Variants in TIAM1 observed in about 807,000 individuals in gnomAD.
The protein encoded by TIAM1 is rho guanine nucleotide exchange factor TIAM1.
TIAM1 carries 65 observed loss-of-function variants against 163.5 expected under a neutral mutation model. The observed-to-expected ratio is 0.40, with a 90% CI of 0.33 to 0.49. The LOEUF (loss-of-function observed/expected upper bound fraction) is 0.49, where lower values mean the gene tolerates loss of function less well. TIAM1 is among the 20% of genes least tolerant of loss of function. TIAM1 has a pLI of 0.77. For synonymous variants in TIAM1, 833 were observed against 810.1 expected (o/e 1.03, Z -0.48); for missense variants, 1,789 against 2,044.7 (o/e 0.87, Z 2.41).
intron 1 of TIAM1, among the ~76,000 whole-genome samples, chr21:31,343,123 G>A (rs2076068495): frequency 6.6e-6 from 1 of 152,162 alleles, no homozygotes; most frequent in Non-Finnish European, 1.5e-5. Flanking sequence ...ACATTCTCAT[G>A]AAGGATTCGC....
intron 2 of TIAM1, among the ~76,000 whole-genome samples, chr21:31,298,638 T>A (rs1003296427): frequency 6.6e-6 from 1 of 151,960 alleles, no homozygotes; most frequent in Non-Finnish European, 1.5e-5. Flanking sequence ...CCACACATAA[T>A]AGACCATGAA....
In TIAM1 at chr21:31,126,174, T is replaced by C. The variant is rs949165656; in HGVS notation, c.4133+891A>G. 3.9e-5 allele frequency among the ~76,000 whole-genome samples: 6 copies of C among 152,196 alleles called. No individual in the cohort carries two copies. In the East Asian group the frequency reaches 7.7e-4, roughly 20 times the overall value. On this transcript the variant is annotated intron_variant, in intron 26 of 27. Transcript: ENST00000541036. ...CATTATAAAATATTGCTAATAATCA[T>C]AATATTGATTCTATTGTCTTTTGTA...
intron 16 of TIAM1, chr21:31,160,459 G>A (rs559867904): frequency 7.5e-6 from 3 of 398,502 alleles, no homozygotes; most frequent in Non-Finnish European, 1.3e-5. Context: ...TGAAGTGTTC[G>A]ATACATAGAG....
At chr21:31,332,534 A>G (rs1009524308) in intron 2 of TIAM1, among the ~76,000 whole-genome samples, 2 of 152,150 alleles carry the variant, frequency 1.3e-5, no homozygotes, top group Non-Finnish European at 2.9e-5. Flanking sequence ...GCAAATAATG[A>G]TAATCATTTT....
chr21:31,499,997 T>C (rs12482093), intron 1 of TIAM1, among the ~76,000 whole-genome samples: 7,367 of 151,706 alleles, frequency 0.049, 444 homozygotes, highest in African/African-American at 0.14. Context: ...TGAAACCCTG[T>C]CTCCACTAAA....
chr21:31,483,548 A>G (rs1444541300), intron 1 of TIAM1, among the ~76,000 whole-genome samples: 1 of 152,102 alleles, frequency 6.6e-6, no homozygotes, highest in Non-Finnish European at 1.5e-5. Context: ...AGTCTCTTCC[A>G]TTCATTTTGG....
At chr21:31,446,783 G>C (rs117965256) in intron 2 of TIAM1, among the ~76,000 whole-genome samples, 1 of 152,144 alleles carries the variant, frequency 6.6e-6, no homozygotes, top group Non-Finnish European at 1.5e-5. Context: ...AAATGTTATC[G>C]ATGTGCTGCA....
chr21:31,307,168 C>A (rs2074745830), intron 2 of TIAM1, among the ~76,000 whole-genome samples: 2 of 152,166 alleles, frequency 1.3e-5, no homozygotes, highest in Non-Finnish European at 2.9e-5. Context: ...ATCACTTATT[C>A]TACTAATGTG....
intron 2 of TIAM1, among the ~76,000 whole-genome samples, chr21:31,320,114 A>G (rs2075263407): frequency 6.6e-6 from 1 of 152,228 alleles, no homozygotes; most frequent in Non-Finnish European, 1.5e-5. Flanking sequence ...GTATATAAAC[A>G]TATATATAAA....
chr21:31,337,857 C>G (rs1247041031), intron 2 of TIAM1, among the ~76,000 whole-genome samples: 1 of 151,892 alleles, frequency 6.6e-6, no homozygotes, highest in Non-Finnish European at 1.5e-5. Context: ...TTATTTTTAC[C>G]CCTTGAAAAA....
upstream of TIAM1, among the ~76,000 whole-genome samples, chr21:31,346,265 A>G (rs2076146271): frequency 6.6e-6 from 1 of 152,176 alleles, no homozygotes; most frequent in Non-Finnish European, 1.5e-5. Flanking sequence ...TATTCCATCT[A>G]TTCCATATAG....
intron 1 of TIAM1, among the ~76,000 whole-genome samples, chr21:31,522,335 C>T (rs914313084): frequency 6.6e-5 from 10 of 151,084 alleles, no homozygotes; most frequent in African/African-American, 2.4e-4. Context: ...AGAGAAACCC[C>T]GACTCTACTA....
chr21:31,129,630 T>A (rs556637130), intron 25 of TIAM1, among the ~76,000 whole-genome samples: 1 of 152,336 alleles, frequency 6.6e-6, no homozygotes, highest in East Asian at 1.9e-4. Flanking sequence ...ATAGCACCAC[T>A]GCTCTCCAGC....
At chr21:31,431,724 G>T (rs560104260) in intron 2 of TIAM1, among the ~76,000 whole-genome samples, 178 of 152,294 alleles carry the variant, frequency 1.2e-3, no homozygotes, top group African/African-American at 4.1e-3. Flanking sequence ...CCTTTTGCTT[G>T]TAGGCCAAAG....
chr21:31,455,918 T>G (rs1342180971), intron 2 of TIAM1, among the ~76,000 whole-genome samples: 1 of 152,188 alleles, frequency 6.6e-6, no homozygotes, highest in East Asian at 1.9e-4. Flanking sequence ...CTAGATCCTT[T>G]TGCTTACAAA....
rs532055539 is a variant in TIAM1 at position 31,212,153 on chromosome 21, G to C, written c.2217+1245C>G. Among the ~76,000 whole-genome samples, 120 of 152,218 alleles carry C rather than the reference G, an allele frequency of 7.9e-4. 1 individual carries two copies. The highest frequency in any genetic ancestry group is 2.8e-3 in the African/African-American group (118 of 41,522). On this transcript the variant is annotated intron_variant, in intron 10 of 27. Coordinates refer to ENST00000541036, the MANE Select transcript of TIAM1 (RefSeq NM_001353694.2). ...CAAGGACAGTGGCCTTTATATCCAG[G>C]ATAGCATCATTCATGAGTAGTTTGT... is the stretch of plus-strand genomic sequence containing the variant.
intron 1 of TIAM1, among the ~76,000 whole-genome samples, chr21:31,514,585 C>T (rs1252403886): frequency 6.6e-6 from 1 of 151,734 alleles, no homozygotes; most frequent in Admixed American, 6.6e-5. Flanking sequence ...CCCAGCTACT[C>T]AGCAGGCTGA....
chr21:31,539,159 G>C (rs2048237295), intron 1 of TIAM1, among the ~76,000 whole-genome samples: 1 of 151,968 alleles, frequency 6.6e-6, no homozygotes, highest in Non-Finnish European at 1.5e-5. Context: ...TCTCTCAACA[G>C]GAAATTTCTT....
At chr21:31,168,247 C>CA (rs2084335145) in intron 15 of TIAM1, among the ~76,000 whole-genome samples, 1 of 151,926 alleles carries the variant, frequency 6.6e-6, no homozygotes, top group African/African-American at 2.4e-5. Context: ...TGCCCGTCAC[C>CA]ACGCTGGCTA....
Sources: allele counts gnomAD v4.1 joint callset (sites outside exome capture counted in the v4.1 genomes callset), GRCh38; gene constraint gnomAD v4.1.1; transcripts MANE v1.5; gene names NCBI Gene and HGNC (gene_info 2026-07-23, HGNC 2026-07-21).